NBPF20: variants seen among roughly 807,000 people sequenced by gnomAD.
NBPF20 encodes NBPF member 20, also known as NBPF family member NBPF20.
A neutral mutation model predicts 68.1 loss-of-function variants in NBPF20; 90 were observed. That is an observed-to-expected ratio of 1.32 (90% CI 1.11 to 1.58). The LOEUF (loss-of-function observed/expected upper bound fraction) is 1.58. Among genes scored for constraint, NBPF20 ranks in the 40% most tolerant of loss-of-function variants. The pLI, the probability that NBPF20 is intolerant of heterozygous loss-of-function variation, is 0.00. For missense variants in NBPF20, 816 were observed against 601.2 expected (o/e 1.36, Z -3.74); for synonymous variants, 290 against 228.1 (o/e 1.27, Z -2.45).
chr1:145,419,157 G>A, the NBPF20 span, among the ~76,000 whole-genome samples: 36 of 140,568 alleles, frequency 2.6e-4, no homozygotes, highest in African/African-American at 9.3e-4. Flanking sequence ...GGAAGGAAGG[G>A]AGGGAGGGTG....
chr1:145,416,002 G>A, the NBPF20 span, among the ~76,000 whole-genome samples: 1 of 149,170 alleles, frequency 6.7e-6, no homozygotes, highest in African/African-American at 2.5e-5. Flanking sequence ...GCGGTGGCAG[G>A]CGCCTGTAAT....
intron 112 of NBPF20, among the ~76,000 whole-genome samples, chr1:145,311,909 A>G (rs1266239310): frequency 8.9e-6 from 1 of 112,524 alleles, no homozygotes; most frequent in East Asian, 2.2e-4. Flanking sequence ...CAAGATCTAC[A>G]AAATTCAGAC....
chr1:145,291,616 G>A lies in NBPF20; in HGVS notation c.16851C>T (p.Ser5617=), dbSNP rs1272910506. ...ACCTATTGTCCACGTAAAGGGCGAA[G>A]CTGATGTGCTGTTCCTCAAATGAGT... The change falls in exon 138 of 138, where the codon AGC becomes AGT. Residue 5617 remains serine (S), a synonymous_variant. Coordinates refer to ENST00000369373, the Ensembl canonical transcript of NBPF20. The A allele has an allele frequency of 6.2e-6, 10 of 1,611,852 alleles. No homozygotes were observed. The South Asian group carries it at 8.8e-5, about 14-fold the overall frequency.
chr1:145,393,780 T>G (rs1459483995), intron 9 of NBPF20, 104 bp downstream of exon 14: 1 of 1,438,290 alleles, frequency 7.0e-7, no homozygotes, highest in Non-Finnish European at 9.7e-7. Flanking sequence ...TTCAGACTTG[T>G]CTGACAAGAC....
chr1:145,405,319 A>G lies in NBPF20; in HGVS notation c.-35-12T>C, dbSNP rs782332841. The G allele has an allele frequency of 1.3e-5, 20 of 1,536,602 alleles. No homozygotes were observed. Among genetic ancestry groups the G allele is most frequent in the East Asian group, 9.0e-5 (4 of 44,534 alleles). On this transcript the variant is annotated splice_polypyrimidine_tract_variant and intron_variant, in intron 1 of 137. Transcript: ENST00000369373. ...GGTGGAGTCAGGGACTGGGGAGAAG[A>G]AACCCAAACATATGATGGGTTAAAA...
the NBPF20 span, among the ~76,000 whole-genome samples, chr1:145,417,553 C>T: frequency 3.2e-5 from 3 of 93,814 alleles, no homozygotes; most frequent in African/African-American, 1.2e-4. Context: ...AAAATATTTA[C>T]AAAATAATCT....
chr1:145,393,329 AG>A, intron 9 of NBPF20, 83 bp from the exon 15 acceptor site: 1 of 685,198 alleles, frequency 1.5e-6, no homozygotes, highest in Non-Finnish European at 2.7e-6. Context: ...GGCTAACGTA[AG>A]GAAGAGTTTG....
chr1:145,402,131 G>A, intron 4 of NBPF20, 36 bp downstream of exon 9: 3 of 1,361,992 alleles, frequency 2.2e-6, no homozygotes, highest in Admixed American at 1.7e-5. Context: ...TCATAAGCCT[G>A]GGATTTTGGG....
chr1:145,403,077 A>G (rs1662601468), intron 3 of NBPF20, 139 bp downstream of exon 8: 6 of 957,530 alleles, frequency 6.3e-6, no homozygotes, highest in Admixed American at 5.4e-5. Context: ...TTTGATAAAT[A>G]TTTATGTGTA....
exon 4 of NBPF20, chr1:145,402,344 G>C (rs1662563371): frequency 6.2e-7 from 1 of 1,600,986 alleles, no homozygotes; most frequent in African/African-American, 1.3e-5. Flanking sequence ...AACTGGGTCA[G>C]CTCTCGTTCC....
the NBPF20 span, among the ~76,000 whole-genome samples, chr1:145,410,757 T>C: frequency 2.1e-5 from 3 of 140,752 alleles, no homozygotes; most frequent in Non-Finnish European, 3.1e-5. Context: ...TATACATATA[T>C]ATATATACGT....
the NBPF20 span, among the ~76,000 whole-genome samples, chr1:145,410,700 A>ATATGTG: frequency 2.5e-5 from 3 of 118,326 alleles, no homozygotes; most frequent in Non-Finnish European, 5.0e-5. Context: ...ATATATATAT[A>ATATGTG]TGTGTGTGTG....
At chr1:145,415,007 G>A in the NBPF20 span, among the ~76,000 whole-genome samples, 3,683 of 152,158 alleles carry the variant, frequency 0.024, 107 homozygotes, top group African/African-American at 0.083. Flanking sequence ...TTCAGCATAC[G>A]GAGGACCCAT....
chr1:145,414,900 T>A, the NBPF20 span, among the ~76,000 whole-genome samples: 10 of 150,766 alleles, frequency 6.6e-5, no homozygotes, highest in African/African-American at 2.4e-4. Context: ...CCTCCACACC[T>A]GTGGGCGTTT....
chr1:145,291,516 T>A (rs782461765), exon 138 of NBPF20: 26 of 1,611,938 alleles, frequency 1.6e-5, no homozygotes, highest in Non-Finnish European at 2.0e-5. Flanking sequence ...CTCGGCTTAG[T>A]AAGGGCTGTT....
the NBPF20 span, among the ~76,000 whole-genome samples, chr1:145,415,315 C>T: frequency 5.9e-5 from 9 of 151,864 alleles, no homozygotes; most frequent in Non-Finnish European, 1.2e-4. Flanking sequence ...GGCTTTACAC[C>T]GAGACATTCC....
the NBPF20 span, among the ~76,000 whole-genome samples, chr1:145,411,949 C>T: frequency 1.2e-5 from 1 of 84,908 alleles, no homozygotes; most frequent in African/African-American, 5.3e-5. Context: ...GCAGCATCAG[C>T]CACTGTCGGC....
intron 6 of NBPF20, among the ~76,000 whole-genome samples, chr1:145,400,092 AG>A (rs1662445167): frequency 6.6e-6 from 1 of 152,186 alleles, no homozygotes; most frequent in Non-Finnish European, 1.5e-5. Context: ...ACTTAATCAC[AG>A]ATGACAAGAG....
chr1:145,405,692 G>T, upstream of NBPF20: 1 of 538,486 alleles, frequency 1.9e-6, no homozygotes, highest in Non-Finnish European at 3.3e-6. Flanking sequence ...CACCAATGGG[G>T]ATCATTCCTT....
Sources: gnomAD v4.1 joint callset for allele counts (sites outside exome capture counted in the v4.1 genomes callset) on GRCh38, gnomAD v4.1.1 for gene constraint, MANE v1.5 for transcripts, NCBI Gene and HGNC (gene_info 2026-07-23, HGNC 2026-07-21) for gene names.